CAMK2D: variants seen among roughly 807,000 people sequenced by gnomAD.
CAMK2D encodes calcium/calmodulin dependent protein kinase II delta.
A neutral mutation model predicts 84.0 loss-of-function variants in CAMK2D; 37 were observed. That is an observed-to-expected ratio of 0.44 (90% CI 0.34 to 0.58). The LOEUF is 0.58. Among genes scored for constraint, CAMK2D ranks in the 20% least tolerant of loss-of-function variants. The probability of loss-of-function intolerance (pLI) is 0.02; values close to 1 mark genes in which losing one functional copy is unlikely to be tolerated. For synonymous variants in CAMK2D, 202 were observed against 212.5 expected (o/e 0.95, Z 0.43); for missense variants, 448 against 652.5 (o/e 0.69, Z 3.41).
intron 2 of CAMK2D, among the ~76,000 whole-genome samples, chr4:113,675,879 G>A (rs74339210): frequency 0.073 from 11,146 of 152,218 alleles, 505 homozygotes; most frequent in African/African-American, 0.13. Flanking sequence ...GCCAAGATCT[G>A]TACAGCTTCT....
rs771745152 is a variant in CAMK2D at position 113,455,802 on chromosome 4, C to A, written c.1555G>T (p.Gly519Trp). Residue 519 changes from glycine to tryptophan, a missense_variant, in exon 20 of 21, where the codon GGG becomes TGG. By Grantham distance (184) the Gly-to-Trp change is radical. Transcript: ENST00000511664. ...GTGCCTCCTGAGAAGTTTTCTTTCC[C>A]ATTTGGAATACAGGGTGGCCTATTA... ...VPIKPPCIPN[G>W]KENFSGGTSL... is the part of the protein sequence containing the mutation. The A allele has an allele frequency of 5.0e-6, 8 of 1,611,184 alleles. No homozygotes were observed. Among genetic ancestry groups the A allele is most frequent in the African/African-American group, 1.3e-5 (1 of 74,926 alleles).
At chr4:113,669,347 G>A (rs2099270402) in intron 2 of CAMK2D, among the ~76,000 whole-genome samples, 1 of 152,100 alleles carries the variant, frequency 6.6e-6, no homozygotes, top group South Asian at 2.1e-4. Context: ...CCTAATAGAA[G>A]TTTCAAGAGA....
chr4:113,458,833 A>G (rs2097336298), intron 18 of CAMK2D, among the ~76,000 whole-genome samples: 2 of 152,218 alleles, frequency 1.3e-5, no homozygotes, highest in Non-Finnish European at 2.9e-5. Context: ...AATCATTCCT[A>G]TAATACATTT....
chr4:113,556,559 A>G (rs2098665834), intron 4 of CAMK2D, among the ~76,000 whole-genome samples: 1 of 152,132 alleles, frequency 6.6e-6, no homozygotes, highest in Non-Finnish European at 1.5e-5. Context: ...GGATGATTCT[A>G]TATTACGAGT....
chr4:113,503,327 C>A (rs769026750), intron 14 of CAMK2D: 50 of 546,522 alleles, frequency 9.1e-5, no homozygotes, highest in Non-Finnish European at 1.4e-4. Context: ...ACGTCTGTCC[C>A]ATAGAGAACT....
At chr4:113,678,304 T>C (rs946458092) in intron 2 of CAMK2D, among the ~76,000 whole-genome samples, 1 of 152,164 alleles carries the variant, frequency 6.6e-6, no homozygotes, top group African/African-American at 2.4e-5. Flanking sequence ...GACCTAACCT[T>C]ACTGACATTA....
intron 2 of CAMK2D, among the ~76,000 whole-genome samples, chr4:113,676,234 C>A (rs1041090854): frequency 6.6e-6 from 1 of 152,188 alleles, no homozygotes; most frequent in Non-Finnish European, 1.5e-5. Flanking sequence ...AACACTCAGC[C>A]TGTCAGTTCC....
intron 2 of CAMK2D, among the ~76,000 whole-genome samples, chr4:113,693,600 C>T (rs2099394571): frequency 6.6e-6 from 1 of 152,110 alleles, no homozygotes; most frequent in Non-Finnish European, 1.5e-5. Context: ...CCCTGCATTC[C>T]ACCTGGGATG....
Position 113,723,027 on chromosome 4 carries a change from C to G in CAMK2D, c.160+36293G>C, listed in dbSNP as rs116426935. Among the ~76,000 whole-genome samples, 1,050 of 151,720 alleles carry G rather than the reference C, an allele frequency of 6.9e-3. 13 individuals carry two copies. Among genetic ancestry groups the G allele is most frequent in the African/African-American group, 0.024 (994 of 41,228 alleles). ...TGTAATTTATTATCTCTGAGCTAGACCCCTCATATACAAAATGAAAATAAT... is the reference window on the plus strand; with the variant it reads ...TGTAATTTATTATCTCTGAGCTAGAGCCCTCATATACAAAATGAAAATAAT... On this transcript the variant is annotated intron_variant, in intron 2 of 20. Coordinates refer to ENST00000511664, the MANE Select transcript of CAMK2D (RefSeq NM_001321571.2).
chr4:113,615,212 G>T (rs2099016417), intron 3 of CAMK2D, among the ~76,000 whole-genome samples: 1 of 152,126 alleles, frequency 6.6e-6, no homozygotes, highest in African/African-American at 2.4e-5. Flanking sequence ...CATCTAACAC[G>T]CCAAGTCTAC....
intron 3 of CAMK2D, among the ~76,000 whole-genome samples, chr4:113,616,650 A>C (rs2099022479): frequency 6.6e-6 from 1 of 152,214 alleles, no homozygotes; most frequent in African/African-American, 2.4e-5. Context: ...ATGACACTAC[A>C]AACAGCATGA....
chr4:113,551,044 T>C (rs775423268), intron 5 of CAMK2D, among the ~76,000 whole-genome samples: 6 of 152,138 alleles, frequency 3.9e-5, no homozygotes, highest in Non-Finnish European at 8.8e-5. Context: ...CTTGGGAAGC[T>C]CTGATGGCAT....
chr4:113,671,199 A>G (rs777192075), intron 2 of CAMK2D, among the ~76,000 whole-genome samples: 1 of 152,240 alleles, frequency 6.6e-6, no homozygotes, highest in Non-Finnish European at 1.5e-5. Context: ...GTAGTTTAAT[A>G]CTAACACATT....
intron 7 of CAMK2D, among the ~76,000 whole-genome samples, chr4:113,535,350 C>T (rs35132791): frequency 6.6e-6 from 1 of 151,942 alleles, no homozygotes; most frequent in Non-Finnish European, 1.5e-5. Context: ...TGCTCCTACA[C>T]CCTCCCTAGT....
intron 2 of CAMK2D, among the ~76,000 whole-genome samples, chr4:113,704,605 T>C (rs1053152179): frequency 2.6e-5 from 4 of 152,122 alleles, no homozygotes; most frequent in Non-Finnish European, 5.9e-5. Flanking sequence ...AGGTTACTAT[T>C]TGAGAAGGAA....
chr4:113,476,135 G>T (rs1478254804), intron 16 of CAMK2D, among the ~76,000 whole-genome samples: 1 of 152,060 alleles, frequency 6.6e-6, no homozygotes, highest in Non-Finnish European at 1.5e-5. Context: ...ATTCATCTAT[G>T]GCATTGTAGA....
intron 2 of CAMK2D, among the ~76,000 whole-genome samples, chr4:113,683,941 G>A (rs2099352593): frequency 6.6e-6 from 1 of 152,112 alleles, no homozygotes; most frequent in African/African-American, 2.4e-5. Context: ...TACCACTTAG[G>A]ATTGTTTCTG....
chr4:113,563,901 T>G (rs1226523122), intron 4 of CAMK2D, among the ~76,000 whole-genome samples: 1 of 152,116 alleles, frequency 6.6e-6, no homozygotes, highest in African/African-American at 2.4e-5. Flanking sequence ...GGTAGGAAGC[T>G]TCAGAAAAGG....
chr4:113,625,219 ATATT>A (rs2099062557), intron 3 of CAMK2D, among the ~76,000 whole-genome samples: 1 of 152,238 alleles, frequency 6.6e-6, no homozygotes, highest in African/African-American at 2.4e-5. Flanking sequence ...CTTCCAGTGA[ATATT>A]TATTGAGTTC....
Sources: gnomAD v4.1 joint callset for allele counts (sites outside exome capture counted in the v4.1 genomes callset) on GRCh38, gnomAD v4.1.1 for gene constraint, MANE v1.5 for transcripts, NCBI Gene and HGNC (gene_info 2026-07-23, HGNC 2026-07-21) for gene names.